TANC2: variants seen among roughly 807,000 people sequenced by gnomAD.
The protein encoded by TANC2 is tetratricopeptide repeat, ankyrin repeat and coiled-coil containing 2, also known as protein TANC2.
A neutral mutation model predicts 210.5 loss-of-function variants in TANC2; 26 were observed. The ratio of observed to expected loss-of-function variants is 0.12; its 90% CI spans 0.09 to 0.17. TANC2 has a LOEUF of 0.17. TANC2 is among the 10% of genes least tolerant of loss of function. The probability of loss-of-function intolerance (pLI) is 1.00; values close to 1 mark genes in which losing one functional copy is unlikely to be tolerated. For synonymous variants in TANC2, 931 were observed against 967.1 expected (o/e 0.96, Z 0.69); for missense variants, 2,129 against 2,608.9 (o/e 0.82, Z 4.01).
chr17:63,010,202 A>T (rs559017721), intron 2 of TANC2, among the ~76,000 whole-genome samples: 2 of 152,176 alleles, frequency 1.3e-5, no homozygotes, highest in African/African-American at 4.8e-5. Context: ...ATTCTTCGTA[A>T]TCTTCTCAAC....
chr17:63,421,208 A>G lies in TANC2; in HGVS notation c.5478A>G (p.Leu1826=), dbSNP rs371402225. 6.2e-7 allele frequency: 1 copy of G among 1,613,892 alleles called. No individual in the cohort carries two copies. Among genetic ancestry groups the G allele is most frequent in the African/African-American group, 1.3e-5 (1 of 74,928 alleles). ...ATCTGGAGCGCTCCTCCAGCCAACTAGGTTCCCCTGATGTGTCGCATTTAA... is the reference window on the plus strand; with the variant it reads ...ATCTGGAGCGCTCCTCCAGCCAACTGGGTTCCCCTGATGTGTCGCATTTAA... The change falls in exon 28 of 28, where the codon CTA becomes CTG. Residue 1826 remains leucine (L), a synonymous_variant. Transcript: ENST00000689528. This position sits in a 1 kb window ranked among gnomAD's most constrained non-coding sequence, Gnocchi z 6.9.
chr17:63,418,197 G>T lies in TANC2; in HGVS notation c.4168-110G>T, dbSNP rs2048923592. On this transcript the variant is annotated intron_variant, in intron 26 of 27. Transcript: ENST00000689528. This position sits in a 1 kb window ranked among gnomAD's most constrained non-coding sequence, Gnocchi z 4.6. Reference sequence around the variant, plus strand: ...ATGTCAGGCACGTCTAGCGTCCCAGGCGTTCCATCCATGAATGTCAAAAAA... The same window carrying T: ...ATGTCAGGCACGTCTAGCGTCCCAGTCGTTCCATCCATGAATGTCAAAAAA... The T allele has an allele frequency of 9.0e-7, 1 of 1,116,334 alleles. No homozygotes were observed. The highest frequency in any genetic ancestry group is 1.5e-5 in the South Asian group (1 of 67,000). The allele number at this position is 1,116,334 out of a possible 1,614,324, so 69.2% of individuals were successfully genotyped here.
intron 2 of TANC2, among the ~76,000 whole-genome samples, chr17:63,054,853 A>G (rs372970656): frequency 8.5e-4 from 130 of 152,254 alleles, no homozygotes; most frequent in African/African-American, 3.1e-3. Context: ...GTAAAACTTT[A>G]ATCTATATGT....
At chr17:63,385,195 C>T (rs1464515210) in intron 15 of TANC2, among the ~76,000 whole-genome samples, 1 of 152,088 alleles carries the variant, frequency 6.6e-6, no homozygotes, top group Non-Finnish European at 1.5e-5. Context: ...TTTTTTCCTT[C>T]AACCATCATA....
chr17:63,066,116 G>A (rs2036185923), intron 2 of TANC2, among the ~76,000 whole-genome samples: 1 of 152,096 alleles, frequency 6.6e-6, no homozygotes, highest in South Asian at 2.1e-4. Flanking sequence ...CCTGGACCTG[G>A]GTCAGCTGGA....
chr17:63,329,145 T>A (rs1007252283), intron 11 of TANC2, among the ~76,000 whole-genome samples: 5 of 152,124 alleles, frequency 3.3e-5, no homozygotes, highest in Non-Finnish European at 5.9e-5. Context: ...AATAGTTATT[T>A]TCATAAAACA....
chr17:63,173,455 T>G (rs73323725), intron 5 of TANC2, among the ~76,000 whole-genome samples: 3,756 of 152,296 alleles, frequency 0.025, 155 homozygotes, highest in African/African-American at 0.085. Flanking sequence ...ATTTTTGCCC[T>G]TGCTTCCAAC....
chr17:63,392,563 T>G (rs1006109215), intron 17 of TANC2, among the ~76,000 whole-genome samples: 5 of 152,206 alleles, frequency 3.3e-5, no homozygotes, highest in Admixed American at 1.3e-4. Context: ...TCTTGGAGTC[T>G]TCTTGTGTAA....
At chr17:63,044,604 T>C (rs891099595) in intron 2 of TANC2, among the ~76,000 whole-genome samples, 1 of 152,166 alleles carries the variant, frequency 6.6e-6, no homozygotes, top group Non-Finnish European at 1.5e-5. Context: ...CTAGGAACTA[T>C]ACCTAGAAAT....
At chr17:63,326,033 T>C (rs2045634364) in intron 11 of TANC2, among the ~76,000 whole-genome samples, 1 of 152,216 alleles carries the variant, frequency 6.6e-6, no homozygotes, top group Non-Finnish European at 1.5e-5. Context: ...ATAGTAGCAA[T>C]ATACAGGATA....
chr17:63,330,262 C>A (rs1171862495), intron 11 of TANC2, among the ~76,000 whole-genome samples: 1 of 152,114 alleles, frequency 6.6e-6, no homozygotes, highest in Admixed American at 6.6e-5. Context: ...AGGAAAGAAG[C>A]CATCTCCATA....
At chr17:63,228,786 C>T (rs2145985631) in intron 7 of TANC2, among the ~76,000 whole-genome samples, 1 of 152,212 alleles carries the variant, frequency 6.6e-6, no homozygotes, top group East Asian at 1.9e-4. Flanking sequence ...ATTTTATATC[C>T]TGAGACCTTG....
At chr17:63,197,798 A>G (rs1292365089) in intron 6 of TANC2, 1 of 152,220 alleles carries the variant, frequency 6.6e-6, no homozygotes, top group African/African-American at 2.4e-5. Context: ...AAGGTTTAGG[A>G]AGTGCAGTGG....
intron 14 of TANC2, among the ~76,000 whole-genome samples, chr17:63,357,669 T>C (rs534848741): frequency 6.6e-6 from 1 of 152,336 alleles, no homozygotes; most frequent in East Asian, 1.9e-4. Context: ...GAAGTATTGA[T>C]CTCAGTGCTT....
chr17:63,058,128 G>T (rs912045628), intron 2 of TANC2, among the ~76,000 whole-genome samples: 3 of 152,102 alleles, frequency 2.0e-5, no homozygotes, highest in Admixed American at 2.0e-4. Context: ...TAGGCATTCT[G>T]ACTGTGTGAG....
In TANC2 at chr17:63,412,801, C is replaced by A; in HGVS notation, c.3928+92C>A. ...TGGTTTAGCCTGCATGAGTTCCCTA[C>A]ACCTCTAATCTTTTAATTTACTTCA... On this transcript the variant is annotated intron_variant, in intron 24 of 27. Transcript: ENST00000689528. The surrounding 1 kb of genome is among the most constrained non-coding windows in gnomAD (Gnocchi z 4.2). 1 of 1,391,678 alleles carries A rather than the reference C, an allele frequency of 7.2e-7. No homozygotes were observed. The highest frequency in any genetic ancestry group is 9.6e-7 in the Non-Finnish European group (1 of 1,042,440). The allele number at this position is 1,391,678 out of a possible 1,614,324, so 86.2% of individuals were successfully genotyped here. A position where few individuals can be genotyped will look rare whatever the true frequency, so the allele number is the denominator to read the frequency against.
intron 2 of TANC2, among the ~76,000 whole-genome samples, chr17:63,019,882 T>G (rs1349447370): frequency 6.6e-6 from 1 of 152,200 alleles, no homozygotes; most frequent in Non-Finnish European, 1.5e-5. Context: ...GTCAGATACA[T>G]GGTTTGAAAA....
intron 5 of TANC2, among the ~76,000 whole-genome samples, chr17:63,158,572 T>A (rs1433797790): frequency 2.0e-5 from 3 of 152,192 alleles, no homozygotes; most frequent in Non-Finnish European, 2.9e-5. Flanking sequence ...CTTAAAATCC[T>A]CTTAGTCTTT....
At chr17:63,269,937 G>A (rs1443692336) in intron 9 of TANC2, among the ~76,000 whole-genome samples, 1 of 152,114 alleles carries the variant, frequency 6.6e-6, no homozygotes, top group African/African-American at 2.4e-5. Flanking sequence ...CTTGCAAATA[G>A]TGTCTTAACT....
Sources: gnomAD v4.1 joint callset for allele counts (sites outside exome capture counted in the v4.1 genomes callset) on GRCh38, gnomAD v4.1.1 for gene constraint, Gnocchi (gnomAD v3.1) non-coding constraint, MANE v1.5 for transcripts, NCBI Gene and HGNC (gene_info 2026-07-23, HGNC 2026-07-21) for gene names.